ANKRD44: variants seen among roughly 807,000 people sequenced by gnomAD.
The protein encoded by ANKRD44 is serine/threonine-protein phosphatase 6 regulatory ankyrin repeat subunit B.
ANKRD44 carries 35 observed loss-of-function variants against 116.0 expected under a neutral mutation model. The ratio of observed to expected loss-of-function variants is 0.30; its 90% CI spans 0.23 to 0.40. The LOEUF (loss-of-function observed/expected upper bound fraction) is 0.40. Among genes scored for constraint, ANKRD44 ranks in the 10% least tolerant of loss-of-function variants. ANKRD44 has a pLI of 1.00. For synonymous variants in ANKRD44, 435 were observed against 461.8 expected, an observed-to-expected ratio of 0.94 and a Z score of 0.74; for missense variants, 1,014 against 1,242.6, an observed-to-expected ratio of 0.82 and a Z score of 2.77.
At chr2:197,086,829 G>A in intron 12 of ANKRD44, 81 bp from the exon 13 acceptor site, 1 of 1,293,502 alleles carries the variant, frequency 7.7e-7, no homozygotes, top group Non-Finnish European at 1.1e-6. Context: ...TTTCTGCAGA[G>A]TACAGGACCA....
At chr2:197,021,792 C>T (rs1261338200) in intron 17 of ANKRD44, among the ~76,000 whole-genome samples, 1 of 152,162 alleles carries the variant, frequency 6.6e-6, no homozygotes, top group Non-Finnish European at 1.5e-5. Context: ...CTACGAAAGA[C>T]AACTTTTTAT....
In ANKRD44 at chr2:197,212,357, C is replaced by G. The variant is rs557083303; in HGVS notation, c.28-25251G>C. ...CCACTTGTATCACACAGTCCCTATTCGAGAACCCAAAATGCTTCTGCACTA... is the reference window on the plus strand; with the variant it reads ...CCACTTGTATCACACAGTCCCTATTGGAGAACCCAAAATGCTTCTGCACTA... On this transcript the variant is annotated intron_variant, in intron 1 of 27. Coordinates refer to ENST00000282272, the MANE Select transcript of ANKRD44 (RefSeq NM_001195144.2). The surrounding 1 kb of genome is among the most constrained non-coding windows in gnomAD (Gnocchi z 4.8). 6.6e-6 allele frequency among the ~76,000 whole-genome samples: 1 copy of G among 152,144 alleles called. No homozygotes were observed. Among genetic ancestry groups the G allele is most frequent in the South Asian group, 2.1e-4 (1 of 4,832 alleles).
chr2:197,151,778 G>T (rs1421484169), intron 2 of ANKRD44, among the ~76,000 whole-genome samples: 1 of 152,132 alleles, frequency 6.6e-6, no homozygotes, highest in Non-Finnish European at 1.5e-5. Flanking sequence ...TCTAAATGTA[G>T]GATATTAGAA....
At chr2:197,112,677 C>T (rs2078613058) in intron 8 of ANKRD44, among the ~76,000 whole-genome samples, 1 of 138,788 alleles carries the variant, frequency 7.2e-6, no homozygotes, top group African/African-American at 2.7e-5. Context: ...CACTGCACTC[C>T]AGCCTGGGCG....
chr2:196,999,284 T>C lies in ANKRD44; in HGVS notation c.2520-232A>G, dbSNP rs75846464. On this transcript the variant is annotated intron_variant, in intron 23 of 27. Coordinates refer to ENST00000282272, the MANE Select transcript of ANKRD44 (RefSeq NM_001195144.2). The stretch of plus-strand genomic sequence containing the variant: ...GGGGGGTGTGTGTTGGCCCTGATAA[T>C]GAAATTAGTGTCTTTACTGACTCTT... 5.0e-4 allele frequency among the ~76,000 whole-genome samples: 76 copies of C among 152,284 alleles called. 1 individual carries two copies. The East Asian group carries it at 0.012, about 23-fold the overall frequency.
chr2:197,239,598 C>A (rs1185018116), intron 1 of ANKRD44, among the ~76,000 whole-genome samples: 1 of 152,192 alleles, frequency 6.6e-6, no homozygotes. Context: ...TATTGGGGAA[C>A]AGTCAGCAGT....
downstream of ANKRD44, among the ~76,000 whole-genome samples, chr2:196,986,080 G>A (rs1477350472): frequency 6.6e-6 from 1 of 152,190 alleles, no homozygotes; most frequent in African/African-American, 2.4e-5. Flanking sequence ...GAAGCTGAGA[G>A]CAAACACAAG....
chr2:197,115,002 C>T (rs1574483540), intron 8 of ANKRD44, among the ~76,000 whole-genome samples: 2 of 152,310 alleles, frequency 1.3e-5, no homozygotes. Context: ...CTTGCCCATT[C>T]CAGTTTCCAC....
At chr2:197,231,036 A>T (rs11899420) in intron 1 of ANKRD44, among the ~76,000 whole-genome samples, 24,030 of 152,178 alleles carry the variant, frequency 0.16, 2,430 homozygotes, top group African/African-American at 0.29. Context: ...ATTTCTGCCA[A>T]GAGGAGGGGA....
intron 21 of ANKRD44, among the ~76,000 whole-genome samples, chr2:196,976,632 C>T (rs1323366948): frequency 1.3e-5 from 2 of 152,004 alleles, no homozygotes; most frequent in Non-Finnish European, 2.9e-5. Flanking sequence ...TTTGGGAGGC[C>T]AAGACAGGTG....
chr2:197,018,161 A>ATT (rs1189983964), intron 17 of ANKRD44, among the ~76,000 whole-genome samples: 4 of 152,190 alleles, frequency 2.6e-5, no homozygotes, highest in African/African-American at 9.7e-5. Flanking sequence ...GTCCCACTGC[A>ATT]ATCTGTTATT....
intron 1 of ANKRD44, chr2:197,263,512 T>A: frequency 5.5e-6 from 2 of 366,532 alleles, no homozygotes; most frequent in Non-Finnish European, 5.2e-6. Context: ...GATGGTGGCC[T>A]TTCTCATCCT....
intron 16 of ANKRD44, among the ~76,000 whole-genome samples, 157 bp from the exon 17 acceptor site, chr2:197,025,424 A>T (rs2076573391): frequency 6.6e-6 from 1 of 152,248 alleles, no homozygotes; most frequent in African/African-American, 2.4e-5. Context: ...TGCTAACAGA[A>T]TATTTAAACT....
At chr2:197,275,999 GGC>G (rs2083070491) in intron 1 of ANKRD44, among the ~76,000 whole-genome samples, 1 of 152,128 alleles carries the variant, frequency 6.6e-6, no homozygotes, top group Admixed American at 6.5e-5. Context: ...TTACTAGCCG[GGC>G]GCAGTGGCTC....
At position 196,989,138 on chromosome 2, in the gene ANKRD44, T is replaced by C; in HGVS notation, c.*453A>G. Reference sequence around the variant, plus strand: ...CAGGGTCAAGTGTTTTTTTTTTCACTTTTTTTTTGTTATTCTAAATAAGAT... The same window carrying C: ...CAGGGTCAAGTGTTTTTTTTTTCACCTTTTTTTTGTTATTCTAAATAAGAT... On this transcript the variant is annotated 3_prime_UTR_variant, in exon 28 of 28. Transcript: ENST00000282272. 1.0e-6 allele frequency: 1 copy of C among 961,638 alleles called. No individual in the cohort carries two copies. Among genetic ancestry groups the C allele is most frequent in the Non-Finnish European group, 1.2e-6 (1 of 810,068 alleles). The allele number at this position is 961,638 out of a possible 1,614,324, so 59.6% of individuals were successfully genotyped here.
At chr2:197,045,136 G>A (rs1437271961) in intron 16 of ANKRD44, among the ~76,000 whole-genome samples, 3 of 151,340 alleles carry the variant, frequency 2.0e-5, no homozygotes, top group East Asian at 1.9e-4. Flanking sequence ...GGAAGCAGTT[G>A]GGCTATACAA....
intron 16 of ANKRD44, among the ~76,000 whole-genome samples, chr2:197,033,773 T>G (rs1332088713): frequency 6.6e-6 from 1 of 152,062 alleles, no homozygotes; most frequent in African/African-American, 2.4e-5. Context: ...CTCATCTTAG[T>G]TATGCAGCAA....
chr2:197,109,201 G>A (rs2078508294), intron 9 of ANKRD44, among the ~76,000 whole-genome samples: 1 of 152,180 alleles, frequency 6.6e-6, no homozygotes, highest in Admixed American at 6.5e-5. Flanking sequence ...TTTAAAGGGG[G>A]GTGGACATTA....
chr2:196,967,348 T>A, exon 22 of ANKRD44: 1 of 458,152 alleles, frequency 2.2e-6, no homozygotes, highest in South Asian at 1.6e-5. Flanking sequence ...CCCTTTGCGT[T>A]CTGTGGCTGG....
Sources: gnomAD v4.1 joint callset for allele counts (sites outside exome capture counted in the v4.1 genomes callset) on GRCh38, gnomAD v4.1.1 for gene constraint, Gnocchi (gnomAD v3.1) non-coding constraint, MANE v1.5 for transcripts, NCBI Gene and HGNC (gene_info 2026-07-23, HGNC 2026-07-21) for gene names.